Variants in NRCAM observed in about 807,000 individuals in gnomAD.
NRCAM encodes NgCAM-related cell adhesion molecule.
NRCAM carries 83 observed loss-of-function variants against 156.5 expected under a neutral mutation model. The observed-to-expected ratio is 0.53, with a 90% CI of 0.44 to 0.64. NRCAM has a LOEUF of 0.64. Among genes scored for constraint, NRCAM ranks in the 30% least tolerant of loss-of-function variants. The probability of loss-of-function intolerance (pLI) is 0.00; values close to 1 mark genes in which losing one functional copy is unlikely to be tolerated. For missense variants in NRCAM, 1,417 were observed against 1,597.3 expected, an observed-to-expected ratio of 0.89 and a Z score of 1.92; for synonymous variants, 538 against 563.9, an observed-to-expected ratio of 0.95 and a Z score of 0.65.
intron 3 of NRCAM, among the ~76,000 whole-genome samples, chr7:108,309,170 T>A (rs1430550351): frequency 6.6e-6 from 1 of 152,214 alleles, no homozygotes; most frequent in Admixed American, 6.5e-5. Context: ...AGAGGGACTG[T>A]CCAAGTATGC....
chr7:108,225,509 A>C (rs1044519148), intron 10 of NRCAM, 136 bp downstream of exon 10: 4 of 691,854 alleles, frequency 5.8e-6, no homozygotes, highest in Non-Finnish European at 1.0e-5. Flanking sequence ...TAAGAAACAT[A>C]CATTTATACT....
intron 3 of NRCAM, among the ~76,000 whole-genome samples, chr7:108,302,426 C>G (rs1002446917): frequency 6.6e-6 from 1 of 152,154 alleles, no homozygotes; most frequent in Non-Finnish European, 1.5e-5. Flanking sequence ...AAAAAGTACA[C>G]TAAATCTCAG....
chr7:108,298,788 T>C (rs1267434530), intron 3 of NRCAM, among the ~76,000 whole-genome samples: 1 of 151,820 alleles, frequency 6.6e-6, no homozygotes, highest in Non-Finnish European at 1.5e-5. Context: ...TTCAAGACTA[T>C]TTATCTTCCA....
At chr7:108,409,962 C>T (rs1193253528) in intron 1 of NRCAM, among the ~76,000 whole-genome samples, 2 of 152,144 alleles carry the variant, frequency 1.3e-5, no homozygotes, top group Non-Finnish European at 2.9e-5. Context: ...CCCACTAAAT[C>T]AAGCCAAATA....
intron 2 of NRCAM, among the ~76,000 whole-genome samples, chr7:108,364,656 C>T (rs529523888): frequency 6.4e-4 from 97 of 151,654 alleles, no homozygotes; most frequent in African/African-American, 2.2e-3. Flanking sequence ...TATATCCATA[C>T]AATGACATGT....
chr7:108,291,499 G>A lies in NRCAM; in HGVS notation c.-107+21166C>T, dbSNP rs117879535. Among the ~76,000 whole-genome samples, 1,391 of 152,216 alleles carry A rather than the reference G, an allele frequency of 9.1e-3. 12 individuals are homozygous for A. The highest frequency in any genetic ancestry group is 0.015 in the Non-Finnish European group (1,006 of 67,988). On this transcript the variant is annotated intron_variant, in intron 3 of 32. Coordinates refer to ENST00000379028, the MANE Select transcript of NRCAM (RefSeq NM_001037132.4). Reference sequence around the variant, plus strand: ...TTAAAGAGTTTGTACTTTCTCAAATGTGTCTTTCTTGACAGGTAAGCATGA... The same window carrying A: ...TTAAAGAGTTTGTACTTTCTCAAATATGTCTTTCTTGACAGGTAAGCATGA...
At position 108,180,420 on chromosome 7, in the gene NRCAM, T is replaced by G; in HGVS notation, c.2654A>C (p.Tyr885Ser). ...TTTAGATGAACTCTGGGTCTTCCAA[T>G]AGTAAATCTGAAACAGCAAGAACGA... Reference protein sequence around the residue: ...RGHLQGYRIYYWKTQSSSKRN... With the variant: ...RGHLQGYRIYSWKTQSSSKRN... Residue 885 changes from tyrosine (Y) to serine (S), a missense_variant, in exon 25 of 33, where the codon TAT (tyrosine) becomes TCT (serine). Coordinates refer to ENST00000379028, the MANE Select transcript of NRCAM (RefSeq NM_001037132.4). 6.2e-7 allele frequency: 1 copy of G among 1,613,792 alleles called. No individual in the cohort carries two copies. Among genetic ancestry groups the G allele is most frequent in the Non-Finnish European group, 8.5e-7 (1 of 1,179,678 alleles).
rs1261905597 is a variant in NRCAM, at chr7:108,424,784, GTTA to G, written c.-331-25194_-331-25192del. Among the ~76,000 whole-genome samples, 17 of 151,392 alleles carry G rather than the reference GTTA, an allele frequency of 1.1e-4. No individual in the cohort carries two copies. In the South Asian group the frequency reaches 3.6e-3, roughly 32 times the overall value. ...TAATTATTAAATCCCAAATCTGCATGTTATTTTTGAGCAGCAATATGACTATAG... is the reference window on the plus strand; with the variant it reads ...TAATTATTAAATCCCAAATCTGCATGTTTTTGAGCAGCAATATGACTATAG... On this transcript the variant is annotated intron_variant, in intron 1 of 32. Coordinates refer to ENST00000379028, the MANE Select transcript of NRCAM (RefSeq NM_001037132.4).
chr7:108,426,594 T>C (rs996720660), intron 1 of NRCAM, among the ~76,000 whole-genome samples: 21 of 152,300 alleles, frequency 1.4e-4, no homozygotes, highest in African/African-American at 4.8e-4. Flanking sequence ...ACCAGCTACA[T>C]TGATCAGAGA....
chr7:108,425,817 C>A (rs1023640359), intron 1 of NRCAM, among the ~76,000 whole-genome samples: 26 of 152,126 alleles, frequency 1.7e-4, no homozygotes, highest in African/African-American at 6.0e-4. Context: ...GCGTCCTGAA[C>A]AGAAATGGCT....
chr7:108,231,193 T>C, intron 7 of NRCAM, 40 bp from the exon 8 acceptor site: 3 of 1,489,328 alleles, frequency 2.0e-6, no homozygotes, highest in Non-Finnish European at 2.7e-6. Context: ...ATTTCTGCAT[T>C]GAAAAGTACA....
At chr7:108,278,681 A>G (rs1234470359) in intron 3 of NRCAM, among the ~76,000 whole-genome samples, 4 of 152,204 alleles carry the variant, frequency 2.6e-5, no homozygotes, top group Non-Finnish European at 5.9e-5. Flanking sequence ...CTTGGCTAGG[A>G]AAGGGAAATC....
chr7:108,251,855 G>C (rs2096370648), intron 3 of NRCAM, among the ~76,000 whole-genome samples: 1 of 152,148 alleles, frequency 6.6e-6, no homozygotes, highest in Admixed American at 6.6e-5. Context: ...CAACATTTTG[G>C]GGAGAAGGTG....
intron 1 of NRCAM, among the ~76,000 whole-genome samples, chr7:108,402,532 G>A (rs2099795724): frequency 6.6e-6 from 1 of 152,116 alleles, no homozygotes; most frequent in Non-Finnish European, 1.5e-5. Flanking sequence ...ACACAATTTT[G>A]GGAGACAGAA....
intron 3 of NRCAM, among the ~76,000 whole-genome samples, chr7:108,300,930 G>T (rs2098597868): frequency 6.6e-6 from 1 of 150,820 alleles, no homozygotes; most frequent in Non-Finnish European, 1.5e-5. Flanking sequence ...GTTTTATTCA[G>T]GAAATAGAAT....
intron 2 of NRCAM, among the ~76,000 whole-genome samples, chr7:108,343,157 T>C (rs948456109): frequency 7.9e-5 from 12 of 152,162 alleles, no homozygotes; most frequent in African/African-American, 2.9e-4. Flanking sequence ...AATGGAATAC[T>C]TGAAAGTAAT....
At chr7:108,284,165 C>T (rs569780601) in intron 3 of NRCAM, among the ~76,000 whole-genome samples, 37 of 152,174 alleles carry the variant, frequency 2.4e-4, no homozygotes, top group African/African-American at 7.2e-4. Context: ...GTCTCTTGTC[C>T]GAAAATTCTA....
At chr7:108,383,154 A>C (rs1414204406) in intron 2 of NRCAM, among the ~76,000 whole-genome samples, 2 of 72,320 alleles carry the variant, frequency 2.8e-5, no homozygotes, top group African/African-American at 1.1e-4. Context: ...ACACACACAC[A>C]CCCCTTGGTG....
chr7:108,359,771 G>C (rs938131035), intron 2 of NRCAM, among the ~76,000 whole-genome samples: 1 of 152,144 alleles, frequency 6.6e-6, no homozygotes, highest in Non-Finnish European at 1.5e-5. Context: ...CCAGTTTGAT[G>C]AGCTGTGACA....
Sources: allele counts gnomAD v4.1 joint callset (sites outside exome capture counted in the v4.1 genomes callset), GRCh38; gene constraint gnomAD v4.1.1; transcripts MANE v1.5; gene names NCBI Gene and HGNC (gene_info 2026-07-23, HGNC 2026-07-21).